Variants in EGLN1 observed in about 807,000 individuals in gnomAD.
EGLN1 encodes the protein egl-9 family hypoxia inducible factor 1.
A neutral mutation model predicts 38.3 loss-of-function variants in EGLN1; 17 were observed. The observed-to-expected ratio is 0.44, with a 90% confidence interval of 0.30 to 0.67. The LOEUF (loss-of-function observed/expected upper bound fraction) is 0.67, where lower values mean the gene tolerates loss of function less well. Among genes scored for constraint, EGLN1 ranks in the 30% least tolerant of loss-of-function variants. The probability of loss-of-function intolerance (pLI) is 0.08; values close to 1 mark genes in which losing one functional copy is unlikely to be tolerated. For synonymous variants in EGLN1, 283 were observed against 257.5 expected, an observed-to-expected ratio of 1.10 and a Z score of -0.95; for missense variants, 477 against 603.3, an observed-to-expected ratio of 0.79 and a Z score of 2.19.
chr1:231,385,057 T>A (rs1688166710), intron 1 of EGLN1, among the ~76,000 whole-genome samples: 1 of 152,082 alleles, frequency 6.6e-6, no homozygotes, highest in African/African-American at 2.4e-5. Flanking sequence ...GTGGTAGCAA[T>A]GGAGGTGGTA....
Position 231,408,230 on chromosome 1 carries a change from G to A in EGLN1, c.891+12768C>T, listed in dbSNP as rs150347176. ...AGACTTAGCTTAGATCCTAAAGGGT[G>A]TAGAAGATCTGCATTGCTGGGGAGG... On this transcript the variant is annotated intron_variant, in intron 1 of 4. Transcript: ENST00000366641. Among the ~76,000 whole-genome samples, 265 of 152,310 alleles carry A rather than the reference G, an allele frequency of 1.7e-3. 1 individual carries two copies. The highest frequency in any genetic ancestry group is 3.0e-3 in the Non-Finnish European group (202 of 68,030).
chr1:231,372,253 A>G (rs1445915137), intron 2 of EGLN1, among the ~76,000 whole-genome samples: 1 of 152,176 alleles, frequency 6.6e-6, no homozygotes, highest in African/African-American at 2.4e-5. Flanking sequence ...CCTCCAATAG[A>G]TCCTAAGCTC....
intron 1 of EGLN1, among the ~76,000 whole-genome samples, chr1:231,387,211 A>G (rs373029422): frequency 6.1e-5 from 9 of 147,464 alleles, no homozygotes; most frequent in South Asian, 2.2e-4. Flanking sequence ...AGATGTCAAA[A>G]TAACACCGGC....
At chr1:231,409,242 A>T (rs925706579) in intron 1 of EGLN1, among the ~76,000 whole-genome samples, 3 of 87,500 alleles carry the variant, frequency 3.4e-5, no homozygotes, top group African/African-American at 5.6e-5. Flanking sequence ...CTAATTTCTT[A>T]AAAAAAAAAA....
At chr1:231,404,011 C>G (rs971229909) in intron 1 of EGLN1, among the ~76,000 whole-genome samples, 3 of 151,976 alleles carry the variant, frequency 2.0e-5, no homozygotes, top group Non-Finnish European at 4.4e-5. Context: ...AAACAATAAG[C>G]TTTACTATCT....
intron 1 of EGLN1, among the ~76,000 whole-genome samples, chr1:231,398,760 T>C (rs531717307): frequency 6.6e-6 from 1 of 151,938 alleles, no homozygotes; most frequent in South Asian, 2.1e-4. Context: ...GGGGAAAAAA[T>C]ACACACACGA....
Position 231,420,983 on chromosome 1 carries a change from G to A in EGLN1, c.891+15C>T. 6.2e-7 allele frequency: 1 copy of A among 1,613,900 alleles called. No homozygotes were observed. The highest frequency in any genetic ancestry group is 8.5e-7 in the Non-Finnish European group (1 of 1,179,968). On this transcript the variant is annotated intron_variant, in intron 1 of 4. Coordinates refer to ENST00000366641, the MANE Select transcript of EGLN1 (RefSeq NM_022051.3). ...AGAAGGGCCTGTCCAGCACAAACCCGCAGCACACACTTACTTTCGTCCGGC... is the reference window on the plus strand; with the variant it reads ...AGAAGGGCCTGTCCAGCACAAACCCACAGCACACACTTACTTTCGTCCGGC...
intron 3 of EGLN1, among the ~76,000 whole-genome samples, chr1:231,367,941 C>T (rs1168304487): frequency 6.6e-6 from 1 of 152,004 alleles, no homozygotes; most frequent in Non-Finnish European, 1.5e-5. Flanking sequence ...CCCAGCACTT[C>T]GGGAGGCCGA....
chr1:231,421,716 C>T lies in EGLN1; in HGVS notation c.173G>A (p.Cys58Tyr). Residue 58 changes from cysteine (C) to tyrosine (Y), a missense_variant, in exon 1 of 5, where the codon TGC becomes TAC. Cys to Tyr is a radical substitution (Grantham distance 194). Transcript: ENST00000366641. The surrounding 1 kb of genome is among the most constrained non-coding windows in gnomAD (Gnocchi z 5.5). Reference sequence around the variant, plus strand: ...GCCGAGGGCGCCCTCGCTGCCCTGGCACACGAGCTTGTGCTTCTTCCAGTC... The same window carrying T: ...GCCGAGGGCGCCCTCGCTGCCCTGGTACACGAGCTTGTGCTTCTTCCAGTC... The part of the protein sequence containing the change: ...RQDWKKHKLV[C>Y]QGSEGALGHG... 2 of 1,526,464 alleles carry T rather than the reference C, an allele frequency of 1.3e-6. No homozygotes were observed. Among genetic ancestry groups the T allele is most frequent in the South Asian group, 1.2e-5 (1 of 83,190 alleles). 94.6% of individuals were successfully genotyped at this position (1,526,464 alleles called of 1,614,324 possible). A position where few individuals can be genotyped will look rare whatever the true frequency, so the allele number is the denominator to read the frequency against.
At chr1:231,415,516 CTTT>C (rs1390109015) in intron 1 of EGLN1, among the ~76,000 whole-genome samples, 1 of 151,938 alleles carries the variant, frequency 6.6e-6, no homozygotes, top group Non-Finnish European at 1.5e-5. Flanking sequence ...ATTCTAAGCC[CTTT>C]TTTCTCCAGT....
intron 3 of EGLN1, among the ~76,000 whole-genome samples, 158 bp from the exon 4 acceptor site, chr1:231,367,794 G>A (rs73116400): frequency 0.02 from 2,993 of 152,268 alleles, 54 homozygotes; most frequent in African/African-American, 0.044. Context: ...CAGTAACCAG[G>A]GGAGACTAAA....
intron 1 of EGLN1, among the ~76,000 whole-genome samples, chr1:231,415,323 A>G (rs1407153516): frequency 6.6e-6 from 1 of 151,798 alleles, no homozygotes; most frequent in Non-Finnish European, 1.5e-5. Context: ...AAGTAGAAAT[A>G]TGTATAAAGT....
At chr1:231,405,983 CACCCCCA>C (rs1370714391) in intron 1 of EGLN1, among the ~76,000 whole-genome samples, 1 of 111,468 alleles carries the variant, frequency 9.0e-6, no homozygotes. Context: ...CCCCACCCCC[CACCCCCA>C]CCCAATTCCC....
chr1:231,397,590 C>A (rs1360139691), intron 1 of EGLN1, among the ~76,000 whole-genome samples: 2 of 152,186 alleles, frequency 1.3e-5, no homozygotes, highest in African/African-American at 4.8e-5. Flanking sequence ...TAGCCCACAG[C>A]CTAAAATATT....
chr1:231,374,596 C>T (rs549475373), intron 1 of EGLN1, among the ~76,000 whole-genome samples: 1 of 151,618 alleles, frequency 6.6e-6, no homozygotes, highest in African/African-American at 2.4e-5. Context: ...TGGCTCACTG[C>T]GGCCTCAACC....
intron 1 of EGLN1, among the ~76,000 whole-genome samples, chr1:231,375,181 G>A (rs113106416): frequency 0.01 from 1,527 of 152,096 alleles, 25 homozygotes; most frequent in African/African-American, 0.035. Context: ...TCGGCCTCCC[G>A]AGTAGCTGGG....
chr1:231,421,145 G>A lies in EGLN1; in HGVS notation c.744C>T (p.Ser248=), dbSNP rs756463256. Residue 248 remains serine (S), a synonymous_variant, in exon 1 of 5, where the codon TCC becomes TCT. Coordinates refer to ENST00000366641, the MANE Select transcript of EGLN1 (RefSeq NM_022051.3). The surrounding 1 kb of genome is among the most constrained non-coding windows in gnomAD (Gnocchi z 5.5). ...TGATCTTATCGCCTCGGATGTCCTT[G>A]GACGAGTCACTCTTCTGGCTGACCA... ...GQLVSQKSDS[S]KDIRGDKITW... 2 of 1,614,142 alleles carry A rather than the reference G, an allele frequency of 1.2e-6. No individual in the cohort carries two copies.
chr1:231,421,998 G>T lies in EGLN1; in HGVS notation c.-110C>A. ...GGGGAGAGAGATAGGGGCCGTTACT[G>T]CGCCATGCACCCGCTACCCTCGCCT... On this transcript the variant is annotated 5_prime_UTR_variant, in exon 1 of 5. Coordinates refer to ENST00000366641, the MANE Select transcript of EGLN1 (RefSeq NM_022051.3). This position sits in a 1 kb window ranked among gnomAD's most constrained non-coding sequence, Gnocchi z 5.5. The T allele has an allele frequency of 8.5e-7, 1 of 1,175,050 alleles. No homozygotes were observed. The highest frequency in any genetic ancestry group is 1.1e-6 in the Non-Finnish European group (1 of 916,476). 72.8% of individuals were successfully genotyped at this position (1,175,050 alleles called of 1,614,324 possible). A position where few individuals can be genotyped will look rare whatever the true frequency, so the allele number is the denominator to read the frequency against.
At chr1:231,373,496 T>C (rs1215748329) in intron 2 of EGLN1, among the ~76,000 whole-genome samples, 2 of 152,244 alleles carry the variant, frequency 1.3e-5, no homozygotes, top group Non-Finnish European at 2.9e-5. Context: ...TTTTAAGATA[T>C]ATCAGTACTT....
Sources: allele counts gnomAD v4.1 joint callset (sites outside exome capture counted in the v4.1 genomes callset), GRCh38; gene constraint gnomAD v4.1.1; non-coding constraint Gnocchi (gnomAD v3.1); transcripts MANE v1.5; gene names NCBI Gene and HGNC (gene_info 2026-07-23, HGNC 2026-07-21).